The following ASCC3 variants were observed in gnomAD, a reference collection of about 807,000 sequenced individuals.
The protein encoded by ASCC3 is ASC-1 complex subunit P200.
ASCC3 carries 158 observed loss-of-function variants against 256.3 expected under a neutral mutation model. The observed-to-expected ratio is 0.62, with a 90% CI of 0.54 to 0.70. ASCC3 has a LOEUF of 0.70. Ranked by LOEUF, ASCC3 falls within the 30% of genes least tolerant of loss-of-function variation. ASCC3 has a pLI of 0.00. For missense variants in ASCC3, 2,259 were observed against 2,626.0 expected (o/e 0.86, Z 3.05); for synonymous variants, 948 against 883.4 (o/e 1.07, Z -1.30).
At chr6:100,675,101 C>T (rs900584046) in intron 14 of ASCC3, among the ~76,000 whole-genome samples, 1 of 150,082 alleles carries the variant, frequency 6.7e-6, no homozygotes, top group Non-Finnish European at 1.5e-5. Context: ...AAAAGTCATG[C>T]TCCCAAAAAT....
intron 34 of ASCC3, among the ~76,000 whole-genome samples, chr6:100,596,767 C>T (rs1174836302): frequency 6.6e-6 from 1 of 152,096 alleles, no homozygotes; most frequent in African/African-American, 2.4e-5. Flanking sequence ...TTATAGTTGA[C>T]CTGACTTACG....
At chr6:100,800,182 GA>G (rs1769839413) in intron 6 of ASCC3, 117 bp downstream of exon 6, 15 of 1,097,978 alleles carry the variant, frequency 1.4e-5, no homozygotes, top group Non-Finnish European at 1.9e-5. Flanking sequence ...CTTCTATGAA[GA>G]AAACGTGACT....
At chr6:100,636,978 G>A (rs7765469) in intron 25 of ASCC3, among the ~76,000 whole-genome samples, 4,617 of 152,258 alleles carry the variant, frequency 0.03, 79 homozygotes, top group African/African-American at 0.055. Flanking sequence ...AAGCTGCAGC[G>A]AGTTATCTGG....
intron 20 of ASCC3, 84 bp downstream of exon 20, chr6:100,650,454 C>T: frequency 1.5e-6 from 2 of 1,317,964 alleles, no homozygotes; most frequent in East Asian, 4.6e-5. Context: ...CAAAGCAATG[C>T]ATTCATAGCA....
At chr6:100,848,859 A>G (rs1365891277) in intron 3 of ASCC3, 152 bp from the exon 4 acceptor site, 4 of 768,684 alleles carry the variant, frequency 5.2e-6, no homozygotes, top group Non-Finnish European at 6.4e-6. Context: ...TAATCCCCAC[A>G]CTCTGGAAGG....
intron 6 of ASCC3, 102 bp from the exon 7 acceptor site, chr6:100,799,674 A>C: frequency 8.0e-7 from 1 of 1,246,366 alleles, no homozygotes; most frequent in Non-Finnish European, 1.1e-6. Context: ...CTAGCCTTCC[A>C]CCATAAAAAA....
chr6:100,659,419 G>A (rs1362517462), intron 16 of ASCC3, among the ~76,000 whole-genome samples: 1 of 151,356 alleles, frequency 6.6e-6, no homozygotes, highest in Non-Finnish European at 1.5e-5. Flanking sequence ...TAGAATATGA[G>A]CAAGTTAGTT....
chr6:100,775,169 G>A (rs1197694584), intron 8 of ASCC3, among the ~76,000 whole-genome samples: 1 of 152,000 alleles, frequency 6.6e-6, no homozygotes, highest in Non-Finnish European at 1.5e-5. Flanking sequence ...AAAGCGACAC[G>A]GTTACTATTC....
At chr6:100,836,235 C>A (rs1198280272) in intron 4 of ASCC3, among the ~76,000 whole-genome samples, 1 of 152,034 alleles carries the variant, frequency 6.6e-6, no homozygotes, top group Non-Finnish European at 1.5e-5. Flanking sequence ...CATTGGATGT[C>A]TTTTACTTCT....
At chr6:100,519,734 T>C (rs1414974762) in intron 37 of ASCC3, among the ~76,000 whole-genome samples, 3 of 152,126 alleles carry the variant, frequency 2.0e-5, no homozygotes, top group Non-Finnish European at 4.4e-5. Flanking sequence ...AAAGCTCACA[T>C]ACTAGAAGAG....
chr6:100,788,195 CAAGT>C (rs994636802), intron 8 of ASCC3, among the ~76,000 whole-genome samples: 5 of 151,842 alleles, frequency 3.3e-5, no homozygotes, highest in Admixed American at 1.3e-4. Context: ...AGAAGAATGA[CAAGT>C]AAGGACACAA....
intron 5 of ASCC3, among the ~76,000 whole-genome samples, chr6:100,802,382 T>C (rs1769961802): frequency 6.6e-6 from 1 of 152,102 alleles, no homozygotes; most frequent in South Asian, 2.1e-4. Context: ...GTAAGATGCC[T>C]GCTCCCCTTT....
intron 34 of ASCC3, among the ~76,000 whole-genome samples, chr6:100,596,662 T>A (rs1772316888): frequency 1.3e-5 from 2 of 152,202 alleles, no homozygotes; most frequent in South Asian, 4.1e-4. Flanking sequence ...CTTTCAATCC[T>A]TAAATTTCAG....
At chr6:100,814,175 T>G (rs191294129) in intron 4 of ASCC3, among the ~76,000 whole-genome samples, 68 of 152,318 alleles carry the variant, frequency 4.5e-4, no homozygotes, top group Middle Eastern at 3.4e-3. Flanking sequence ...ATCAAAAGCC[T>G]TTTCTACATC....
At position 100,518,094 on chromosome 6, in the gene ASCC3, T is replaced by C; in HGVS notation, c.5824A>G (p.Asn1942Asp). 6.2e-7 allele frequency: 1 copy of C among 1,613,632 alleles called. No homozygotes were observed. Among genetic ancestry groups the C allele is most frequent in the South Asian group, 1.1e-5 (1 of 91,072 alleles). The change falls in exon 38 of 42, where the codon AAT becomes GAT. Residue 1942 changes from asparagine (N) to aspartate (D), a missense_variant. Physicochemically the swap from Asn to Asp is conservative, Grantham distance 23. Around this residue, in one of 2 missense-constraint regions of ASCC3, gnomAD observed 1,839 missense variants for 2,206.7 expected, o/e 0.83. Coordinates refer to ENST00000369162, the MANE Select transcript of ASCC3 (RefSeq NM_006828.4). ...ACCATCTGAATCAGGTTGGTGATAT[T>C]CAGGACAGTCACCAGCCAGCCCTGG... ...ANQGWLVTVL[N>D]ITNLIQMVIQ...
chr6:100,832,539 A>C (rs1212937761), intron 4 of ASCC3, among the ~76,000 whole-genome samples: 1 of 152,090 alleles, frequency 6.6e-6, no homozygotes, highest in Non-Finnish European at 1.5e-5. Flanking sequence ...ATGCCAGTAA[A>C]TTTAATTATA....
intron 10 of ASCC3, among the ~76,000 whole-genome samples, chr6:100,727,022 A>T (rs1329382299): frequency 6.6e-6 from 1 of 152,082 alleles, no homozygotes; most frequent in Admixed American, 6.6e-5. Context: ...TTTGACAGCA[A>T]AACCAAAGGA....
intron 8 of ASCC3, among the ~76,000 whole-genome samples, chr6:100,783,459 A>T (rs1782540747): frequency 6.6e-6 from 1 of 152,158 alleles, no homozygotes; most frequent in Non-Finnish European, 1.5e-5. Flanking sequence ...TCTAAAATGT[A>T]TCCTCCTACT....
chr6:100,647,272 T>C lies in ASCC3; in HGVS notation c.3432A>G (p.Lys1144=). 1 of 1,614,066 alleles carries C rather than the reference T, an allele frequency of 6.2e-7. No individual in the cohort carries two copies. The highest frequency in any genetic ancestry group is 8.5e-7 in the Non-Finnish European group (1 of 1,179,978). Residue 1144 remains lysine, a synonymous_variant, in exon 21 of 42, where the codon AAA becomes AAG. Coordinates refer to ENST00000369162, the MANE Select transcript of ASCC3 (RefSeq NM_006828.4). ...PPHILTRLEE[K]KLTVDKLKDM... ...CTTTCAGCTTATCCACAGTAAGCTTTTTTTCTTCTAATCTTGTTAGGATGT... is the reference window on the plus strand; with the variant it reads ...CTTTCAGCTTATCCACAGTAAGCTTCTTTTCTTCTAATCTTGTTAGGATGT...
Sources: gnomAD v4.1 joint callset for allele counts (sites outside exome capture counted in the v4.1 genomes callset) on GRCh38, gnomAD v4.1.1 for gene constraint, gnomAD v4.1.1 regional missense constraint, MANE v1.5 for transcripts, NCBI Gene and HGNC (gene_info 2026-07-23, HGNC 2026-07-21) for gene names.